Variants in FLVCR1 observed in about 807,000 individuals in gnomAD.
FLVCR1 encodes FLVCR choline and heme transporter 1, also known as choline/ethanolamine transporter FLVCR1.
A neutral mutation model predicts 53.6 loss-of-function variants in FLVCR1; 34 were observed. The observed-to-expected ratio is 0.63, with a 90% CI of 0.48 to 0.84. FLVCR1 has a LOEUF of 0.84. FLVCR1 is among the 40% of genes least tolerant of loss of function. The pLI is 0.00. For synonymous variants in FLVCR1, 300 were observed against 286.3 expected (o/e 1.05, Z -0.48); for missense variants, 677 against 696.7 (o/e 0.97, Z 0.32).
At chr1:212,879,154 A>AT (rs1664852437) in intron 3 of FLVCR1, among the ~76,000 whole-genome samples, 1 of 152,188 alleles carries the variant, frequency 6.6e-6, no homozygotes, top group South Asian at 2.1e-4. Context: ...ATTTGGATTG[A>AT]TTTTTTAAAA....
Position 212,896,291 on chromosome 1 carries a change from A to C in FLVCR1, c.*1001A>C, listed in dbSNP as rs1322488229. Reference sequence around the variant, plus strand: ...AACTTCAGATAGCCTACATGTCCCCATTTAGTGGAGACCTCTTGAATGCTA... The same window carrying C: ...AACTTCAGATAGCCTACATGTCCCCCTTTAGTGGAGACCTCTTGAATGCTA... On this transcript the variant is annotated 3_prime_UTR_variant, in exon 10 of 10. Coordinates refer to ENST00000366971, the MANE Select transcript of FLVCR1 (RefSeq NM_014053.4). 6.6e-6 allele frequency: 1 copy of C among 152,138 alleles called. No homozygotes were observed. Among genetic ancestry groups the C allele is most frequent in the Non-Finnish European group, 1.5e-5 (1 of 68,024 alleles). 9.4% of individuals were successfully genotyped at this position (152,138 alleles called of 1,614,324 possible). A position where few individuals can be genotyped will look rare whatever the true frequency, so the allele number is the denominator to read the frequency against.
chr1:212,866,340 C>T (rs886144049), intron 2 of FLVCR1, among the ~76,000 whole-genome samples: 2 of 151,760 alleles, frequency 1.3e-5, no homozygotes, highest in African/African-American at 2.4e-5. Flanking sequence ...AGTCTGGTCT[C>T]GAACTCCTGA....
intron 2 of FLVCR1, among the ~76,000 whole-genome samples, chr1:212,870,743 A>G (rs1242640663): frequency 6.6e-6 from 1 of 151,988 alleles, no homozygotes; most frequent in African/African-American, 2.4e-5. Flanking sequence ...GAATCCATTT[A>G]CCTTCTTTTT....
intron 5 of FLVCR1, among the ~76,000 whole-genome samples, chr1:212,887,600 C>T (rs1665091549): frequency 6.6e-6 from 1 of 152,144 alleles, no homozygotes; most frequent in Non-Finnish European, 1.5e-5. Context: ...AGAATTTGAT[C>T]TGAATCTTGA....
At chr1:212,876,224 G>A (rs781048260) in intron 3 of FLVCR1, among the ~76,000 whole-genome samples, 1 of 151,830 alleles carries the variant, frequency 6.6e-6, no homozygotes, top group Non-Finnish European at 1.5e-5. Flanking sequence ...TCCACCCCTC[G>A]TGCACCATGT....
chr1:212,875,244 CTGAAAAGTAACAATATAGTCGG>C (rs1286680723), intron 3 of FLVCR1, among the ~76,000 whole-genome samples: 1 of 152,188 alleles, frequency 6.6e-6, no homozygotes, highest in Non-Finnish European at 1.5e-5. Flanking sequence ...ATATAAACAT[CTGAAAAGTAACAATATAGTCGG>C]TATTTATCAA....
At chr1:212,894,893 TTAAA>T in intron 8 of FLVCR1, 89 bp from the exon 9 acceptor site, 3 of 846,874 alleles carry the variant, frequency 3.5e-6, no homozygotes, top group African/African-American at 1.7e-5. Context: ...CTACAGTGCA[TTAAA>T]TTTGACAATA....
intron 2 of FLVCR1, among the ~76,000 whole-genome samples, chr1:212,867,446 A>G (rs1196090690): frequency 6.6e-6 from 1 of 152,230 alleles, no homozygotes; most frequent in Non-Finnish European, 1.5e-5. Context: ...AAACTGAGGC[A>G]CAGAATTTAG....
chr1:212,865,698 T>C (rs892186251), intron 2 of FLVCR1, among the ~76,000 whole-genome samples: 1 of 151,874 alleles, frequency 6.6e-6, no homozygotes, highest in African/African-American at 2.4e-5. Flanking sequence ...GTCAGGTTGG[T>C]CTCAAACTCC....
In FLVCR1 at chr1:212,858,769, G is replaced by C. The variant is rs772065005; in HGVS notation, c.317G>C (p.Arg106Pro). The change falls in exon 1 of 10, where the codon CGG becomes CCG. Residue 106 changes from arginine (R) to proline (P), a missense_variant. Arg to Pro is a moderately radical substitution (Grantham distance 103, BLOSUM62 -2). Transcript: ENST00000366971. Reference sequence around the variant, plus strand: ...CTGCCCCTTACGGCGCTCTCCCCGCGGCGCTTCGTGGTGCTCCTGATCTTC... The same window carrying C: ...CTGCCCCTTACGGCGCTCTCCCCGCCGCGCTTCGTGGTGCTCCTGATCTTC... ...SPLPLTALSP[R>P]RFVVLLIFSL... 6.2e-7 allele frequency: 1 copy of C among 1,614,020 alleles called. No individual in the cohort carries two copies. Among genetic ancestry groups the C allele is most frequent in the South Asian group, 1.1e-5 (1 of 91,084 alleles).
intron 5 of FLVCR1, 167 bp downstream of exon 5, chr1:212,885,563 TTTTTTG>T (rs1665039621): frequency 6.6e-5 from 31 of 472,434 alleles, no homozygotes; most frequent in South Asian, 3.0e-4. Context: ...TTTTTTTTTT[TTTTTTG>T]AGACGGAGTC....
Position 212,895,456 on chromosome 1 carries a change from G to A in FLVCR1, c.*166G>A, listed in dbSNP as rs41301017. On this transcript the variant is annotated 3_prime_UTR_variant, in exon 10 of 10. Transcript: ENST00000366971. ...TGCATAATTATTATTTTGCTTAATT[G>A]TTAAATTAAGGGAAATTTTCTTAAA... 1.1e-3 allele frequency: 739 copies of A among 643,018 alleles called. 10 individuals are homozygous for A. In the African/African-American group the frequency reaches 0.012, roughly 10 times the overall value. 39.8% of individuals were successfully genotyped at this position (643,018 alleles called of 1,614,324 possible).
At chr1:212,881,356 TGA>T (rs1217240225) in intron 3 of FLVCR1, among the ~76,000 whole-genome samples, 1 of 137,112 alleles carries the variant, frequency 7.3e-6, no homozygotes, top group Non-Finnish European at 1.6e-5. Context: ...TCTTTTTTTT[TGA>T]GACAGAGTCT....
rs1465006601 is a variant in FLVCR1 at position 212,895,268 on chromosome 1, A to G, written c.1646A>G (p.Lys549Arg). ...GAACCAAAAACGGTTATGTTGTCCAAGCAGTCAGAATCAGCAATTTGAAGA... is the reference window on the plus strand; with the variant it reads ...GAACCAAAAACGGTTATGTTGTCCAGGCAGTCAGAATCAGCAATTTGAAGA... ...DQEPKTVMLS[K>R]QSESAI Residue 549 changes from lysine to arginine, a missense_variant, in exon 10 of 10, where the codon AAG becomes AGG. Transcript: ENST00000366971. The G allele has an allele frequency of 2.5e-6, 4 of 1,613,472 alleles. No homozygotes were observed. The highest frequency in any genetic ancestry group is 3.4e-6 in the Non-Finnish European group (4 of 1,179,454).
At chr1:212,891,801 G>A (rs1255021501) in intron 8 of FLVCR1, among the ~76,000 whole-genome samples, 1 of 152,180 alleles carries the variant, frequency 6.6e-6, no homozygotes, top group East Asian at 1.9e-4. Flanking sequence ...AGCCCAGATA[G>A]GCCAAAAGCT....
In FLVCR1 at chr1:212,897,612, G is replaced by A. The variant is rs1056669803; in HGVS notation, c.*2322G>A. The A allele has an allele frequency of 6.6e-6, 1 of 152,232 alleles. No individual in the cohort carries two copies. The highest frequency in any genetic ancestry group is 2.4e-5 in the African/African-American group (1 of 41,462). 9.4% of individuals were successfully genotyped at this position (152,232 alleles called of 1,614,324 possible). A position where few individuals can be genotyped will look rare whatever the true frequency, so the allele number is the denominator to read the frequency against. On this transcript the variant is annotated 3_prime_UTR_variant, in exon 10 of 10. Coordinates refer to ENST00000366971, the MANE Select transcript of FLVCR1 (RefSeq NM_014053.4). ...ACAGTTCTGCAGGCTGTGTAAGCAT[G>A]GCACCAGTGTCTGCTCGGCTTCTGG...
In FLVCR1 at chr1:212,858,451, A is replaced by C. The variant is rs1664089626; in HGVS notation, c.-2A>C. 2 of 1,435,432 alleles carry C rather than the reference A, an allele frequency of 1.4e-6. No individual in the cohort carries two copies. Among genetic ancestry groups the C allele is most frequent in the Admixed American group, 2.9e-5 (1 of 34,934 alleles). The allele number at this position is 1,435,432 out of a possible 1,614,324, so 88.9% of individuals were successfully genotyped here. The stretch of plus-strand genomic sequence containing the variant: ...GCGAGGTGGCGCCGGGGAGCCTGGG[A>C]TATGGCGCGGCCAGACGATGAGGAG... On this transcript the variant is annotated 5_prime_UTR_variant, in exon 1 of 10. Coordinates refer to ENST00000366971, the MANE Select transcript of FLVCR1 (RefSeq NM_014053.4).
At chr1:212,874,409 C>T (rs990235345) in intron 3 of FLVCR1, among the ~76,000 whole-genome samples, 4 of 151,968 alleles carry the variant, frequency 2.6e-5, no homozygotes, top group African/African-American at 9.7e-5. Flanking sequence ...TGCTGGTTAT[C>T]TCCTTGTTTA....
chr1:212,868,336 A>G (rs953865319), intron 2 of FLVCR1, among the ~76,000 whole-genome samples: 3 of 152,182 alleles, frequency 2.0e-5, no homozygotes, highest in African/African-American at 4.8e-5. Flanking sequence ...TGGGCTCCCA[A>G]AGTGCTGGGA....
Sources: gnomAD v4.1 joint callset for allele counts (sites outside exome capture counted in the v4.1 genomes callset) on GRCh38, gnomAD v4.1.1 for gene constraint, MANE v1.5 for transcripts, NCBI Gene and HGNC (gene_info 2026-07-23, HGNC 2026-07-21) for gene names.